LYST: variants seen among roughly 807,000 people sequenced by gnomAD.
The protein encoded by LYST is lysosomal-trafficking regulator.
In LYST, 192 loss-of-function variants were observed where a neutral mutation model predicts 413.6. The ratio of observed to expected loss-of-function variants is 0.46; its 90% CI spans 0.41 to 0.52. LYST has a LOEUF of 0.52. Ranked by LOEUF, LYST falls within the 20% of genes least tolerant of loss-of-function variation. The pLI is 0.00. For synonymous variants in LYST, 1,525 were observed against 1,567.3 expected, an observed-to-expected ratio of 0.97 and a Z score of 0.64; for missense variants, 3,815 against 4,499.9, an observed-to-expected ratio of 0.85 and a Z score of 4.35.
At chr1:235,786,292 T>C (rs1016192013) in intron 14 of LYST, among the ~76,000 whole-genome samples, 2 of 152,164 alleles carry the variant, frequency 1.3e-5, no homozygotes, top group African/African-American at 2.4e-5. Context: ...TCTGACAGAT[T>C]TGTAAGTTAA....
At chr1:235,737,861 T>C (rs1233125887) in intron 31 of LYST, 1 of 1,064,574 alleles carries the variant, frequency 9.4e-7, no homozygotes, top group Non-Finnish European at 1.1e-6. Context: ...TTATCCTGCT[T>C]TTCCTTGACT....
chr1:235,699,476 C>T (rs903001119), intron 45 of LYST, among the ~76,000 whole-genome samples: 1 of 152,154 alleles, frequency 6.6e-6, no homozygotes, highest in Non-Finnish European at 1.5e-5. Flanking sequence ...TCTAGTCTAT[C>T]ATTGATGGGC....
chr1:235,739,123 C>A (rs574434993), intron 31 of LYST: 51 of 502,890 alleles, frequency 1.0e-4, no homozygotes, highest in Non-Finnish European at 1.6e-4. Flanking sequence ...AACATCAATT[C>A]CTAAGGTTAG....
chr1:235,781,839 A>AG (rs1669900978), intron 15 of LYST, 88 bp downstream of exon 15: 3 of 879,296 alleles, frequency 3.4e-6, no homozygotes, highest in South Asian at 1.4e-5. Flanking sequence ...TTGTTAACTG[A>AG]GAAAAAAAAC....
Position 235,810,279 on chromosome 1 carries a change from T to C in LYST, c.539A>G (p.Asn180Ser). 1 of 1,614,196 alleles carries C rather than the reference T, an allele frequency of 6.2e-7. No individual in the cohort carries two copies. Among genetic ancestry groups the C allele is most frequent in the South Asian group, 1.1e-5 (1 of 91,084 alleles). The change falls in exon 5 of 53, where the codon AAT becomes AGT. Residue 180 changes from asparagine (N) to serine (S), a missense_variant. Asn to Ser is a conservative substitution (Grantham distance 46, BLOSUM62 1). Transcript: ENST00000389793. The stretch of plus-strand genomic sequence containing the variant: ...CAGCAGATGGGGCCTTCTATGCTTA[T>C]TCATTGCTATGCCTTTTTCATCTGA... ...ANSDEKGIAM[N>S]KHRRPHLLHH...
chr1:235,862,548 C>A (rs1379347095), intron 1 of LYST, among the ~76,000 whole-genome samples: 1 of 152,094 alleles, frequency 6.6e-6, no homozygotes, highest in Non-Finnish European at 1.5e-5. Context: ...GTAATCCCAG[C>A]ACTTTGGGAG....
At chr1:235,697,322 T>A in intron 45 of LYST, 50 bp from the exon 46 acceptor site, 1 of 1,325,062 alleles carries the variant, frequency 7.5e-7, no homozygotes, top group Non-Finnish European at 1.1e-6. Flanking sequence ...GTGGTAAGTG[T>A]AGAATTACTT....
intron 40 of LYST, 84 bp downstream of exon 40, chr1:235,720,577 G>A: frequency 7.2e-7 from 1 of 1,382,988 alleles, no homozygotes; most frequent in Non-Finnish European, 1.0e-6. Context: ...GTGCATGTTT[G>A]AAATTTTTCA....
chr1:235,703,099 T>C, intron 44 of LYST, 122 bp from the exon 45 acceptor site: 1 of 757,996 alleles, frequency 1.3e-6, no homozygotes, highest in Non-Finnish European at 2.3e-6. Context: ...ATGCTTTTGT[T>C]CAGGTTAACA....
chr1:235,750,494 T>C (rs1383469686), intron 28 of LYST, among the ~76,000 whole-genome samples: 1 of 152,154 alleles, frequency 6.6e-6, no homozygotes, highest in Non-Finnish European at 1.5e-5. Context: ...GTAAGAGTGA[T>C]TAAATTTCAA....
intron 3 of LYST, among the ~76,000 whole-genome samples, chr1:235,816,551 T>A (rs914717866): frequency 6.7e-6 from 1 of 150,344 alleles, no homozygotes; most frequent in Non-Finnish European, 1.5e-5. Context: ...TTCAAAGAAT[T>A]AGAAAAAGCT....
At chr1:235,671,073 G>A (rs999587099) in intron 50 of LYST, among the ~76,000 whole-genome samples, 2 of 152,158 alleles carry the variant, frequency 1.3e-5, no homozygotes, top group African/African-American at 4.8e-5. Flanking sequence ...TTTTCACAAG[G>A]ATTACAGGCA....
chr1:235,827,528 T>C (rs1421436923), intron 3 of LYST: 7 of 979,424 alleles, frequency 7.1e-6, no homozygotes, highest in African/African-American at 1.8e-5. Flanking sequence ...TCTAGTGTTA[T>C]GATTTCATCT....
chr1:235,872,455 G>C lies in LYST; in HGVS notation n.454+10732C>G, dbSNP rs145207504. ...TTGGACAAAAGAGTTTGATCTCGTG[G>C]TAATAGACCGAGGGGGGATCCAGCA... is the stretch of plus-strand genomic sequence containing the variant. On this transcript the variant is annotated intron_variant and non_coding_transcript_variant, in intron 1 of 11. Coordinates refer to the LYST transcript ENST00000465349. Among the ~76,000 whole-genome samples the C allele has an allele frequency of 6.6e-3, 999 of 152,302 alleles. 21 individuals carry two copies. The highest frequency in any genetic ancestry group is 0.033 in the South Asian group (157 of 4,822).
intron 1 of LYST, among the ~76,000 whole-genome samples, chr1:235,858,975 G>A (rs1384062429): frequency 6.6e-6 from 1 of 152,186 alleles, no homozygotes; most frequent in East Asian, 1.9e-4. Flanking sequence ...ATTCAGCAAA[G>A]AAGTCACATG....
At chr1:235,880,304 C>T (rs1681324386) in intron 1 of LYST, among the ~76,000 whole-genome samples, 2 of 152,142 alleles carry the variant, frequency 1.3e-5, no homozygotes, top group Admixed American at 1.3e-4. Flanking sequence ...CCTTATACTG[C>T]CTTCCCTTGT....
At position 235,749,139 on chromosome 1, in the gene LYST, T is replaced by C. The variant is rs114205478; in HGVS notation, c.7780+2071A>G. On this transcript the variant is annotated intron_variant, in intron 28 of 52. Coordinates refer to ENST00000389793, the MANE Select transcript of LYST (RefSeq NM_000081.4). Reference sequence around the variant, plus strand: ...ATGTCCCTTTAGTATCATGGACAAATGGACTTGAATTAGTTTTTGTAACCA... The same window carrying C: ...ATGTCCCTTTAGTATCATGGACAAACGGACTTGAATTAGTTTTTGTAACCA... Among the ~76,000 whole-genome samples the C allele has an allele frequency of 2.9e-3, 446 of 152,200 alleles. 4 individuals carry two copies. Among genetic ancestry groups the C allele is most frequent in the African/African-American group, 0.01 (424 of 41,518 alleles).
At position 235,809,476 on chromosome 1, in the gene LYST, C is replaced by T. The variant is rs756044889; in HGVS notation, c.1342G>A (p.Ala448Thr). The T allele has an allele frequency of 1.6e-5, 26 of 1,613,774 alleles. No homozygotes were observed. In the African/African-American group the frequency reaches 1.9e-4, roughly 12 times the overall value. ...ACCAGCCATTCCATTTGAAGAACTG[C>T]TGTTTCAAATAAATTAAATCCATGA... ...QHHGFNLFET[A>T]VLQMEWLVLR... Residue 448 changes from alanine to threonine, a missense_variant, in exon 5 of 53, where the codon GCA becomes ACA. By Grantham distance (58) the Ala-to-Thr change is moderately conservative (BLOSUM62 0). Coordinates refer to ENST00000389793, the MANE Select transcript of LYST (RefSeq NM_000081.4). This position sits in a 1 kb window ranked among gnomAD's most constrained non-coding sequence, Gnocchi z 4.0.
At chr1:235,850,440 GA>G (rs1199167172) in intron 1 of LYST, among the ~76,000 whole-genome samples, 1 of 152,090 alleles carries the variant, frequency 6.6e-6, no homozygotes, top group Non-Finnish European at 1.5e-5. Context: ...GATAACATTG[GA>G]AAAACCTTTC....
Sources: gnomAD v4.1 joint callset for allele counts (sites outside exome capture counted in the v4.1 genomes callset) on GRCh38, gnomAD v4.1.1 for gene constraint, Gnocchi (gnomAD v3.1) non-coding constraint, MANE v1.5 for transcripts, NCBI Gene and HGNC (gene_info 2026-07-23, HGNC 2026-07-21) for gene names.